GDAP2: variants seen among roughly 807,000 people sequenced by gnomAD.
GDAP2 encodes ganglioside induced differentiation associated protein 2.
GDAP2 carries 51 observed loss-of-function variants against 67.0 expected under a neutral mutation model. The observed-to-expected ratio is 0.76, with a 90% CI of 0.61 to 0.96. The LOEUF is 0.96. GDAP2 is among the 40% of genes least tolerant of loss of function. GDAP2 has a pLI of 0.00. For missense variants in GDAP2, 547 were observed against 588.3 expected (o/e 0.93, Z 0.73); for synonymous variants, 203 against 207.3 (o/e 0.98, Z 0.18).
chr1:117,929,049 C>T (rs562673320), intron 1 of GDAP2, among the ~76,000 whole-genome samples: 3 of 152,212 alleles, frequency 2.0e-5, no homozygotes, highest in African/African-American at 7.2e-5. Context: ...TCAGCGTCTA[C>T]CCACCCCTCA....
At chr1:117,927,318 T>C (rs1216669753) in intron 1 of GDAP2, among the ~76,000 whole-genome samples, 2 of 152,144 alleles carry the variant, frequency 1.3e-5, no homozygotes, top group Non-Finnish European at 2.9e-5. Flanking sequence ...TCAGATTTTA[T>C]TGTTCAAAAC....
rs1650086468 is a variant in GDAP2 at position 117,917,428 on chromosome 1, T to A, written c.316+1169A>T. Among the ~76,000 whole-genome samples, 3 of 152,248 alleles carry A rather than the reference T, an allele frequency of 2.0e-5. No individual in the cohort carries two copies. The South Asian group carries it at 6.2e-4, about 31-fold the overall frequency. ...CTAACACCTAATAACTAATACTTGT[T>A]GAACACTTAGGATGTGCTTAGCACC... On this transcript the variant is annotated intron_variant, in intron 3 of 13. Coordinates refer to ENST00000369443, the MANE Select transcript of GDAP2 (RefSeq NM_017686.4).
rs893496782 is a variant in GDAP2, at chr1:117,887,765, G to T, written c.963C>A (p.Arg321=). 1.9e-6 allele frequency: 3 copies of T among 1,552,838 alleles called. No homozygotes were observed. In the East Asian group the frequency reaches 6.8e-5, roughly 35 times the overall value. ...LQKQHQRNYN[R]WLCQARSEDL... is the part of the protein sequence containing the mutation. Reference sequence around the variant, plus strand: ...CCTCAGATCTTGCTTGACATAACCAGCGATTATAACTAGGGAAATAAATGA... The same window carrying T: ...CCTCAGATCTTGCTTGACATAACCATCGATTATAACTAGGGAAATAAATGA... The change falls in exon 9 of 14, where the codon CGC becomes CGA. Residue 321 remains arginine, a synonymous_variant. Coordinates refer to ENST00000369443, the MANE Select transcript of GDAP2 (RefSeq NM_017686.4).
chr1:117,928,391 G>C (rs1650536719), intron 1 of GDAP2, among the ~76,000 whole-genome samples: 1 of 152,154 alleles, frequency 6.6e-6, no homozygotes, highest in Non-Finnish European at 1.5e-5. Flanking sequence ...AAACTATGTA[G>C]TTTTCCATTG....
At chr1:117,921,643 C>A (rs533143916) in intron 1 of GDAP2, among the ~76,000 whole-genome samples, 2 of 152,232 alleles carry the variant, frequency 1.3e-5, no homozygotes, top group Non-Finnish European at 2.9e-5. Flanking sequence ...GAGGGAAAAA[C>A]CAGAGGATAC....
chr1:117,881,907 T>A (rs1227485687), intron 11 of GDAP2, 30 bp from the exon 12 acceptor site: 1 of 1,289,482 alleles, frequency 7.8e-7, no homozygotes, highest in Non-Finnish European at 1.1e-6. Flanking sequence ...ACAAAAAAAA[T>A]CAGTATAAGT....
chr1:117,922,245 C>A (rs1650277937), intron 1 of GDAP2, among the ~76,000 whole-genome samples: 1 of 151,956 alleles, frequency 6.6e-6, no homozygotes, highest in South Asian at 2.1e-4. Context: ...AGAGTAAATG[C>A]AAATAGAGAA....
Position 117,906,589 on chromosome 1 carries a change from A to T in GDAP2, c.560-7T>A. On this transcript the variant is annotated splice_region_variant and splice_polypyrimidine_tract_variant and intron_variant, in intron 5 of 13. Coordinates refer to ENST00000369443, the MANE Select transcript of GDAP2 (RefSeq NM_017686.4). ...AGGAATCTTCTTACAGTGCCTAAGG[A>T]AAAGAATAGAAAGATTACTCAATAA... 7.2e-7 allele frequency: 1 copy of T among 1,379,704 alleles called. No individual in the cohort carries two copies. Among genetic ancestry groups the T allele is most frequent in the Non-Finnish European group, 1.0e-6 (1 of 984,556 alleles). The allele number at this position is 1,379,704 out of a possible 1,614,324, so 85.5% of individuals were successfully genotyped here.
intron 8 of GDAP2, chr1:117,896,546 A>G (rs779895395): frequency 2.8e-5 from 7 of 245,776 alleles, no homozygotes; most frequent in Non-Finnish European, 5.4e-5. Context: ...CTTTTAGAAT[A>G]TAAACCTCGC....
rs78728530 is a variant in GDAP2 at position 117,894,281 on chromosome 1, C to T, written c.953+2552G>A. Among the ~76,000 whole-genome samples, 459 of 152,212 alleles carry T rather than the reference C, an allele frequency of 3.0e-3. 5 individuals are homozygous for T. In the East Asian group the frequency reaches 0.033, roughly 11 times the overall value. On this transcript the variant is annotated intron_variant, in intron 8 of 13. Transcript: ENST00000369443. ...TAGTTGGGAACAGAGGCATGAGCCA[C>T]CATGTCTGGCCAATTTTTTTCTTAA... is the stretch of plus-strand genomic sequence containing the variant.
chr1:117,924,223 C>T (rs1334314821), intron 1 of GDAP2, among the ~76,000 whole-genome samples: 1 of 152,186 alleles, frequency 6.6e-6, no homozygotes, highest in African/African-American at 2.4e-5. Flanking sequence ...CAGATTATTG[C>T]ATCTCCCCAG....
At chr1:117,885,520 T>C (rs1336091015) in intron 10 of GDAP2, among the ~76,000 whole-genome samples, 1 of 152,196 alleles carries the variant, frequency 6.6e-6, no homozygotes, top group Non-Finnish European at 1.5e-5. Flanking sequence ...GTAACCATAA[T>C]TTATAAGGGT....
At chr1:117,912,725 A>G (rs1305991527) in intron 3 of GDAP2, 42 bp from the exon 4 acceptor site, 8 of 1,543,510 alleles carry the variant, frequency 5.2e-6, no homozygotes, top group Non-Finnish European at 7.1e-6. Context: ...ATGTGTTAGG[A>G]AAACAGAAAC....
chr1:117,904,652 C>G (rs1430518840), intron 6 of GDAP2, among the ~76,000 whole-genome samples: 1 of 152,202 alleles, frequency 6.6e-6, no homozygotes, highest in Non-Finnish European at 1.5e-5. Flanking sequence ...GTTGCCACGG[C>G]ACTGTGGTGC....
rs888316227 is a variant in GDAP2 at position 117,920,395 on chromosome 1, C to G, written c.-38G>C. 1.4e-6 allele frequency: 2 copies of G among 1,393,602 alleles called. No homozygotes were observed. The allele number at this position is 1,393,602 out of a possible 1,614,324, so 86.3% of individuals were successfully genotyped here. A position where few individuals can be genotyped will look rare whatever the true frequency, so the allele number is the denominator to read the frequency against. ...TTGATTTGTCTTTTCCCAAAATCCT[C>G]AGCAATTCAATATTCACTGGAGACT... On this transcript the variant is annotated 5_prime_UTR_variant, in exon 2 of 14. Coordinates refer to ENST00000369443, the MANE Select transcript of GDAP2 (RefSeq NM_017686.4).
At position 117,894,969 on chromosome 1, in the gene GDAP2, T is replaced by C. The variant is rs547288661; in HGVS notation, c.953+1864A>G. Among the ~76,000 whole-genome samples the C allele has an allele frequency of 3.9e-5, 6 of 152,322 alleles. 1 individual carries two copies. The South Asian group carries it at 1.2e-3, about 32-fold the overall frequency. On this transcript the variant is annotated intron_variant, in intron 8 of 13. Coordinates refer to ENST00000369443, the MANE Select transcript of GDAP2 (RefSeq NM_017686.4). ...ACTAACAAATATAATTTTTTGATAC[T>C]GTGTAATGAAATGTGTCAATACTTG...
chr1:117,895,679 C>T (rs1304890648), intron 8 of GDAP2, among the ~76,000 whole-genome samples: 1 of 152,124 alleles, frequency 6.6e-6, no homozygotes, highest in Non-Finnish European at 1.5e-5. Context: ...CTGTGACTGC[C>T]TCACTTGGAA....
intron 1 of GDAP2, among the ~76,000 whole-genome samples, chr1:117,922,793 T>C (rs1000814339): frequency 1.3e-5 from 2 of 152,230 alleles, no homozygotes; most frequent in African/African-American, 2.4e-5. Context: ...CATGTCCCGC[T>C]GTGCACGCAT....
chr1:117,924,738 A>G (rs1650383770), intron 1 of GDAP2, among the ~76,000 whole-genome samples: 1 of 152,174 alleles, frequency 6.6e-6, no homozygotes, highest in African/African-American at 2.4e-5. Context: ...CACTAAATAC[A>G]CCTTTGAAAT....
Sources: gnomAD v4.1 joint callset for allele counts (sites outside exome capture counted in the v4.1 genomes callset) on GRCh38, gnomAD v4.1.1 for gene constraint, MANE v1.5 for transcripts, NCBI Gene and HGNC (gene_info 2026-07-23, HGNC 2026-07-21) for gene names.